Variants in PCDHA5 observed in about 807,000 individuals in gnomAD.
The protein encoded by PCDHA5 is protocadherin alpha 5, also known as protocadherin alpha-5.
A neutral mutation model predicts 61.6 loss-of-function variants in PCDHA5; 43 were observed. That is an observed-to-expected ratio of 0.70 (90% CI 0.55 to 0.90). The LOEUF (loss-of-function observed/expected upper bound fraction) is 0.90. PCDHA5 is among the 40% of genes least tolerant of loss of function. The pLI is 0.00. For synonymous variants in PCDHA5, 627 were observed against 543.9 expected (o/e 1.15, Z -2.13); for missense variants, 1,298 against 1,222.7 (o/e 1.06, Z -0.92).
intron 1 of PCDHA5, among the ~76,000 whole-genome samples, chr5:140,951,812 A>G (rs2094639418): frequency 1.3e-5 from 2 of 152,152 alleles, no homozygotes; most frequent in Admixed American, 1.3e-4. Context: ...ATGGTCCCTC[A>G]AAGTCTGAAC....
intron 1 of PCDHA5, among the ~76,000 whole-genome samples, chr5:140,906,332 T>C (rs2072570393): frequency 6.6e-6 from 1 of 152,186 alleles, no homozygotes; most frequent in Non-Finnish European, 1.5e-5. Context: ...CAACTATCCT[T>C]CATACAACCA....
At chr5:140,867,411 AT>A (rs2049946393) in intron 1 of PCDHA5, 2 of 152,130 alleles carry the variant, frequency 1.3e-5, no homozygotes, top group South Asian at 2.1e-4. Context: ...GTCTCCTTTA[AT>A]TTTTTAATAC....
chr5:140,881,581 T>C (rs782420499), intron 1 of PCDHA5, among the ~76,000 whole-genome samples: 2 of 152,222 alleles, frequency 1.3e-5, no homozygotes, highest in African/African-American at 2.4e-5. Context: ...TCAAGTCACA[T>C]TGAGGGAAAT....
intron 1 of PCDHA5, chr5:140,842,811 G>A: frequency 6.3e-7 from 1 of 1,594,024 alleles, no homozygotes; most frequent in Non-Finnish European, 8.6e-7. Context: ...CTTGTGGAGC[G>A]GCGGGTGGGC....
chr5:140,883,674 C>T (rs782029001), intron 1 of PCDHA5: 5 of 1,613,738 alleles, frequency 3.1e-6, no homozygotes, highest in African/African-American at 2.7e-5. Flanking sequence ...GAAAACAATC[C>T]GCCGGGCTGC....
chr5:140,927,674 A>T (rs201769803), intron 1 of PCDHA5: 1 of 1,614,182 alleles, frequency 6.2e-7, no homozygotes, highest in Non-Finnish European at 8.5e-7. Flanking sequence ...TTGGATCCAG[A>T]TGAAGGGTCC....
chr5:140,962,034 C>T (rs527918306), intron 1 of PCDHA5, among the ~76,000 whole-genome samples: 1 of 152,172 alleles, frequency 6.6e-6, no homozygotes, highest in South Asian at 2.1e-4. Context: ...CAGGCACCCA[C>T]CACCATGCCT....
In PCDHA5 at chr5:140,982,523, G is replaced by A; in HGVS notation, c.2460G>A (p.Gly820=). Residue 820 remains glycine (G), a synonymous_variant, in exon 3 of 4, where the codon GGG becomes GGA. Coordinates refer to ENST00000529859, the MANE Select transcript of PCDHA5 (RefSeq NM_018908.3). ...EAGILRAGPG[G]PDQQWPTVSS... ...GCATTCTACGGGCTGGTCCAGGAGGGCCTGATCAGCAGTGGCCAACAGTAT... is the reference window on the plus strand; with the variant it reads ...GCATTCTACGGGCTGGTCCAGGAGGACCTGATCAGCAGTGGCCAACAGTAT... 6.2e-7 allele frequency: 1 copy of A among 1,614,220 alleles called. No individual in the cohort carries two copies. The highest frequency in any genetic ancestry group is 8.5e-7 in the Non-Finnish European group (1 of 1,180,034).
intron 1 of PCDHA5, among the ~76,000 whole-genome samples, chr5:140,965,863 A>T (rs1275095146): frequency 6.6e-6 from 1 of 152,218 alleles, no homozygotes; most frequent in Non-Finnish European, 1.5e-5. Flanking sequence ...ACTGAAAATA[A>T]GGGCCACTTG....
chr5:140,873,292 T>C (rs1399834963), intron 1 of PCDHA5, among the ~76,000 whole-genome samples: 1 of 152,210 alleles, frequency 6.6e-6, no homozygotes, highest in Admixed American at 6.5e-5. Context: ...TATGAAACTT[T>C]ATAAATATAA....
intron 3 of PCDHA5, among the ~76,000 whole-genome samples, chr5:140,987,196 AGAGT>A (rs2097234784): frequency 6.6e-6 from 1 of 151,568 alleles, no homozygotes; most frequent in Non-Finnish European, 1.5e-5. Flanking sequence ...CCTGGGTGAC[AGAGT>A]GAGACTCCAT....
intron 1 of PCDHA5, chr5:140,835,544 C>T (rs1773719176): frequency 2.5e-6 from 4 of 1,613,968 alleles, no homozygotes; most frequent in South Asian, 2.2e-5. Flanking sequence ...AGGTTACCTG[C>T]TCCCTGACGC....
intron 1 of PCDHA5, among the ~76,000 whole-genome samples, chr5:140,923,387 G>T (rs564592920): frequency 6.6e-6 from 1 of 152,254 alleles, no homozygotes; most frequent in Admixed American, 6.5e-5. Context: ...AATTAGTTGG[G>T]CATGGTGGTG....
chr5:140,857,944 G>C, intron 1 of PCDHA5: 1 of 1,597,474 alleles, frequency 6.3e-7, no homozygotes, highest in South Asian at 1.1e-5. Flanking sequence ...AGATCAGTAC[G>C]ACGCGCGCTC....
intron 1 of PCDHA5, chr5:140,876,023 C>CA: frequency 1.9e-6 from 3 of 1,612,330 alleles, no homozygotes; most frequent in Non-Finnish European, 2.5e-6. Context: ...AAAATAAAAA[C>CA]AAAAAAAGAT....
rs782366361 is a variant in PCDHA5, at chr5:140,884,693, T to C, written c.2352+60566T>C. On this transcript the variant is annotated intron_variant, in intron 1 of 3. Coordinates refer to ENST00000529859, the MANE Select transcript of PCDHA5 (RefSeq NM_018908.3). ...CTTATATTTTAAAAAATTGTCTTAGTAAACACTTTAGCCTTCCTTGCAGTT... is the reference window on the plus strand; with the variant it reads ...CTTATATTTTAAAAAATTGTCTTAGCAAACACTTTAGCCTTCCTTGCAGTT... The C allele has an allele frequency of 2.1e-5, 32 of 1,524,768 alleles. No individual in the cohort carries two copies. The East Asian group carries it at 6.9e-4, about 33-fold the overall frequency. The allele number at this position is 1,524,768 out of a possible 1,614,324, so 94.5% of individuals were successfully genotyped here. A position where few individuals can be genotyped will look rare whatever the true frequency, so the allele number is the denominator to read the frequency against.
chr5:141,003,308 A>C (rs2098118679), intron 3 of PCDHA5, among the ~76,000 whole-genome samples: 1 of 152,200 alleles, frequency 6.6e-6, no homozygotes, highest in Non-Finnish European at 1.5e-5. Context: ...TGAAGTGGCC[A>C]GCTACTTCCA....
At chr5:140,838,041 C>T (rs1479923409) in intron 1 of PCDHA5, among the ~76,000 whole-genome samples, 1 of 149,154 alleles carries the variant, frequency 6.7e-6, no homozygotes. Flanking sequence ...TACCTTTCTG[C>T]ACTTTTTGGT....
At chr5:140,975,935 C>A (rs1351802479) in intron 1 of PCDHA5, among the ~76,000 whole-genome samples, 1 of 152,060 alleles carries the variant, frequency 6.6e-6, no homozygotes, top group Non-Finnish European at 1.5e-5. Flanking sequence ...ACCTTTGAAG[C>A]AATAGGACAT....
Sources: gnomAD v4.1 joint callset for allele counts (sites outside exome capture counted in the v4.1 genomes callset) on GRCh38, gnomAD v4.1.1 for gene constraint, MANE v1.5 for transcripts, NCBI Gene and HGNC (gene_info 2026-07-23, HGNC 2026-07-21) for gene names.